Variants in CDH18 observed in about 807,000 individuals in gnomAD.
The protein encoded by CDH18 is cadherin 18.
CDH18 carries 31 observed loss-of-function variants against 67.9 expected under a neutral mutation model. The ratio of observed to expected loss-of-function variants is 0.46; its 90% confidence interval spans 0.34 to 0.62. The LOEUF is 0.62. Ranked by LOEUF, CDH18 falls within the 20% of genes least tolerant of loss-of-function variation. The probability of loss-of-function intolerance (pLI) is 0.01; values close to 1 mark genes in which losing one functional copy is unlikely to be tolerated. For missense variants in CDH18, 890 were observed against 975.5 expected (o/e 0.91, Z 1.17); for synonymous variants, 362 against 347.2 (o/e 1.04, Z -0.48).
intron 5 of CDH18, among the ~76,000 whole-genome samples, chr5:19,685,246 T>C (rs1175225400): frequency 6.6e-6 from 1 of 152,186 alleles, no homozygotes; most frequent in Non-Finnish European, 1.5e-5. Context: ...TGACTTAGCA[T>C]GTTAAATGCT....
chr5:19,483,314 AAC>A lies in CDH18; in HGVS notation c.1867_1868del (p.Val623SerfsTer36). 1 of 1,613,282 alleles carries A rather than the reference AAC, an allele frequency of 6.2e-7. No homozygotes were observed. Among genetic ancestry groups the A allele is most frequent in the Non-Finnish European group, 8.5e-7 (1 of 1,179,566 alleles). ...AGAATGACTTACCCAGGAGAATGAG[AAC>A]ACAGAGAAGAATAGCGATTAAGGCT... ...TGALIAILLC[V>X]LILLAIVVLF... On this transcript the variant is annotated frameshift_variant, in exon 12 of 13. Transcript: ENST00000382275. LOFTEE classifies it high-confidence loss of function.
At chr5:19,814,600 C>T (rs1239613513) in intron 3 of CDH18, among the ~76,000 whole-genome samples, 1 of 151,890 alleles carries the variant, frequency 6.6e-6, no homozygotes, top group African/African-American at 2.4e-5. Context: ...GAACCCTATA[C>T]CCTTTTGCAC....
At chr5:19,821,631 C>A (rs551868507) in intron 3 of CDH18, among the ~76,000 whole-genome samples, 50 of 152,090 alleles carry the variant, frequency 3.3e-4, no homozygotes, top group African/African-American at 1.1e-3. Context: ...AGACACTATA[C>A]AAGATGACTA....
At chr5:20,363,477 CAAAAAA>C (rs1187140017) in intron 1 of CDH18, among the ~76,000 whole-genome samples, 2 of 101,314 alleles carry the variant, frequency 2.0e-5, no homozygotes. Flanking sequence ...GACTCCGTAT[CAAAAAA>C]AAAAAAAAAA....
intron 1 of CDH18, among the ~76,000 whole-genome samples, chr5:20,572,857 C>T (rs1217757697): frequency 6.6e-6 from 1 of 152,090 alleles, no homozygotes; most frequent in African/African-American, 2.4e-5. Context: ...AGAGCTCTCT[C>T]AACAATGCAA....
At chr5:20,029,208 C>A (rs1482917057) in intron 2 of CDH18, among the ~76,000 whole-genome samples, 1 of 152,064 alleles carries the variant, frequency 6.6e-6, no homozygotes, top group Non-Finnish European at 1.5e-5. Flanking sequence ...AGAAGGACTT[C>A]TTAGTATGTG....
intron 10 of CDH18, among the ~76,000 whole-genome samples, chr5:19,519,717 T>C (rs1021661172): frequency 4.6e-5 from 7 of 152,174 alleles, no homozygotes; most frequent in African/African-American, 1.7e-4. Flanking sequence ...ATGAAATAAC[T>C]GGACATATTG....
At chr5:20,402,125 C>T (rs1745823231) in intron 1 of CDH18, among the ~76,000 whole-genome samples, 1 of 152,050 alleles carries the variant, frequency 6.6e-6, no homozygotes, top group African/African-American at 2.4e-5. Context: ...TTTTTTCCCT[C>T]ATCTCTTTTG....
intron 5 of CDH18, among the ~76,000 whole-genome samples, chr5:19,663,733 A>T (rs879539463): frequency 2.0e-5 from 3 of 151,790 alleles, no homozygotes; most frequent in Non-Finnish European, 3.0e-5. Context: ...AACTTATTTG[A>T]CTAGTGTACA....
intron 2 of CDH18, among the ~76,000 whole-genome samples, chr5:20,188,673 C>A (rs955869666): frequency 6.6e-6 from 1 of 151,818 alleles, no homozygotes; most frequent in Non-Finnish European, 1.5e-5. Flanking sequence ...CATTTTAAAT[C>A]CAGTTCTCAC....
Position 20,213,336 on chromosome 5 carries a change from A to T in CDH18, c.-518+42108T>A, listed in dbSNP as rs148656710. Among the ~76,000 whole-genome samples, 28 of 152,234 alleles carry T rather than the reference A, an allele frequency of 1.8e-4. 1 individual carries two copies. The East Asian group carries it at 3.9e-3, about 21-fold the overall frequency. On this transcript the variant is annotated intron_variant, in intron 2 of 14. Coordinates refer to the CDH18 transcript ENST00000507958. ...CTCTCAAAACAACTGCATTAAGGATATTGGCATAAAGTTTTCTTTTTTTTG... is the reference window on the plus strand; with the variant it reads ...CTCTCAAAACAACTGCATTAAGGATTTTGGCATAAAGTTTTCTTTTTTTTG...
intron 1 of CDH18, among the ~76,000 whole-genome samples, chr5:20,414,329 A>G (rs75118327): frequency 0.06 from 9,203 of 152,282 alleles, 474 homozygotes; most frequent in African/African-American, 0.13. Context: ...ATATGAATGC[A>G]GTTGGGGGTC....
intron 1 of CDH18, among the ~76,000 whole-genome samples, chr5:20,554,908 A>G (rs1757817426): frequency 6.6e-6 from 1 of 152,208 alleles, no homozygotes; most frequent in Non-Finnish European, 1.5e-5. Flanking sequence ...GATTAAATGA[A>G]GATAGAGATA....
At chr5:20,024,845 T>C (rs540804474) in intron 2 of CDH18, among the ~76,000 whole-genome samples, 1 of 152,218 alleles carries the variant, frequency 6.6e-6, no homozygotes, top group East Asian at 1.9e-4. Flanking sequence ...TAGAAGCAAT[T>C]ATTCCAGGGT....
intron 3 of CDH18, among the ~76,000 whole-genome samples, chr5:19,802,908 G>C (rs1305931781): frequency 6.6e-6 from 1 of 152,196 alleles, no homozygotes; most frequent in Non-Finnish European, 1.5e-5. Flanking sequence ...GCAATGGTCT[G>C]GCCCAATTGT....
chr5:20,128,337 A>C (rs1010326716), intron 2 of CDH18, among the ~76,000 whole-genome samples: 15 of 152,108 alleles, frequency 9.9e-5, no homozygotes, highest in African/African-American at 3.6e-4. Context: ...AATGGCTAAA[A>C]TGTCTCTGAG....
At chr5:19,576,410 A>G (rs988711572) in intron 7 of CDH18, among the ~76,000 whole-genome samples, 3 of 151,974 alleles carry the variant, frequency 2.0e-5, no homozygotes, top group Admixed American at 1.3e-4. Flanking sequence ...AATACAAATC[A>G]CTCTATTCAA....
intron 9 of CDH18, among the ~76,000 whole-genome samples, chr5:19,541,463 G>A (rs1038597277): frequency 2.0e-5 from 3 of 152,022 alleles, no homozygotes; most frequent in Admixed American, 2.0e-4. Context: ...CCGCTCTACT[G>A]GTATCAATTT....
At chr5:20,340,550 T>C (rs572543479) in intron 1 of CDH18, among the ~76,000 whole-genome samples, 1 of 152,286 alleles carries the variant, frequency 6.6e-6, no homozygotes, top group African/African-American at 2.4e-5. Flanking sequence ...TGGGGACCAC[T>C]GGAAGGCTCA....
Sources: allele counts gnomAD v4.1 joint callset (sites outside exome capture counted in the v4.1 genomes callset), GRCh38; gene constraint gnomAD v4.1.1; transcripts MANE v1.5; gene names NCBI Gene and HGNC (gene_info 2026-07-23, HGNC 2026-07-21).